The following ETV1 variants were observed in gnomAD, a reference collection of about 807,000 sequenced individuals.
ETV1 encodes ETS translocation variant 1.
ETV1 carries 27 observed loss-of-function variants against 62.3 expected under a neutral mutation model. The ratio of observed to expected loss-of-function variants is 0.43; its 90% CI spans 0.32 to 0.60. ETV1 has a LOEUF of 0.60. Ranked by LOEUF, ETV1 falls within the 20% of genes least tolerant of loss-of-function variation. The probability of loss-of-function intolerance (pLI) is 0.06; values close to 1 mark genes in which losing one functional copy is unlikely to be tolerated. For synonymous variants in ETV1, 222 were observed against 199.6 expected, an observed-to-expected ratio of 1.11 and a Z score of -0.94; for missense variants, 605 against 605.8, an observed-to-expected ratio of 1.00 and a Z score of 0.01.
At chr7:13,926,543 G>A (rs527588211) in intron 9 of ETV1, among the ~76,000 whole-genome samples, 18 of 152,196 alleles carry the variant, frequency 1.2e-4, no homozygotes, top group South Asian at 2.1e-4. Flanking sequence ...TCTCCATGAC[G>A]CACTCCAGAT....
chr7:13,975,562 CAAAA>C (rs765452116), intron 6 of ETV1, among the ~76,000 whole-genome samples: 1 of 41,154 alleles, frequency 2.4e-5, no homozygotes, highest in Non-Finnish European at 5.0e-5. Context: ...GACTCTGTCT[CAAAA>C]AAAAAAAAAA....
At chr7:13,952,822 A>G (rs576020380) in intron 6 of ETV1, among the ~76,000 whole-genome samples, 4 of 152,334 alleles carry the variant, frequency 2.6e-5, no homozygotes, top group African/African-American at 9.6e-5. Flanking sequence ...ATTGCAAAAT[A>G]AAGAGACCAA....
At chr7:13,987,445 G>A (rs909381462) in intron 4 of ETV1, among the ~76,000 whole-genome samples, 1 of 152,044 alleles carries the variant, frequency 6.6e-6, no homozygotes, top group African/African-American at 2.4e-5. Flanking sequence ...TCCTCATATG[G>A]CTAAAATAAT....
chr7:13,905,511 CT>C (rs1782865958), intron 12 of ETV1, among the ~76,000 whole-genome samples: 1 of 152,106 alleles, frequency 6.6e-6, no homozygotes, highest in South Asian at 2.1e-4. Context: ...TTAACTTCAC[CT>C]TTCCATCAGC....
rs1054474855 is a variant in ETV1 at position 13,900,546 on chromosome 7, C to G, written c.1212+192G>C. On this transcript the variant is annotated intron_variant, in intron 13 of 13. Transcript: ENST00000430479. ...GCCTATTATTCTGTATACAATATCA[C>G]TACACATTTGTCTACAATGTCTAGG... is the stretch of plus-strand genomic sequence containing the variant. 3.2e-5 allele frequency: 17 copies of G among 525,438 alleles called. No homozygotes were observed. In the African/African-American group the frequency reaches 3.3e-4, roughly 10 times the overall value. 32.5% of individuals were successfully genotyped at this position (525,438 alleles called of 1,614,324 possible). A position where few individuals can be genotyped will look rare whatever the true frequency, so the allele number is the denominator to read the frequency against.
At chr7:13,908,097 A>G (rs1490867424) in intron 11 of ETV1, among the ~76,000 whole-genome samples, 1 of 152,094 alleles carries the variant, frequency 6.6e-6, no homozygotes, top group Non-Finnish European at 1.5e-5. Flanking sequence ...TATAAATGTG[A>G]CTGATCACAC....
chr7:13,934,452 ATCT>A (rs1228082975), intron 8 of ETV1, among the ~76,000 whole-genome samples: 1 of 152,244 alleles, frequency 6.6e-6, no homozygotes, highest in Non-Finnish European at 1.5e-5. Flanking sequence ...CCAGTGGCAC[ATCT>A]TCTGCTTTCC....
In ETV1 at chr7:13,986,635, T is replaced by C. The variant is rs1252928242; in HGVS notation, c.181+3A>G. 1 of 1,612,538 alleles carries C rather than the reference T, an allele frequency of 6.2e-7. No individual in the cohort carries two copies. ...CCCCCTTTTAAAGCAAATTTTGCCT[T>C]ACCTTCTGCAAGCCATGTTTCCTGT... is the stretch of plus-strand genomic sequence containing the variant. On this transcript the variant is annotated splice_donor_region_variant and intron_variant, in intron 5 of 13. Transcript: ENST00000430479.
intron 9 of ETV1, among the ~76,000 whole-genome samples, chr7:13,918,739 G>C: frequency 6.6e-6 from 1 of 151,512 alleles, no homozygotes. Flanking sequence ...TGGGGGGACG[G>C]GGGAGGGATA....
At chr7:13,963,417 TAAG>T (rs1212426891) in intron 6 of ETV1, among the ~76,000 whole-genome samples, 4 of 151,402 alleles carry the variant, frequency 2.6e-5, no homozygotes, top group African/African-American at 7.3e-5. Context: ...AATATGAAAA[TAAG>T]AGCATATTTT....
chr7:13,945,376 A>T (rs752721580), intron 6 of ETV1, among the ~76,000 whole-genome samples: 5 of 152,028 alleles, frequency 3.3e-5, no homozygotes, highest in Non-Finnish European at 5.9e-5. Flanking sequence ...TAGTTTTGAG[A>T]TCCCCAACTC....
intron 6 of ETV1, among the ~76,000 whole-genome samples, chr7:13,947,067 C>T (rs548398453): frequency 2.0e-5 from 3 of 152,336 alleles, no homozygotes; most frequent in South Asian, 2.1e-4. Context: ...TGAGCCACCA[C>T]ACCTGGCTGA....
chr7:13,891,717 A>T lies in ETV1; in HGVS notation c.*4149T>A, dbSNP rs570676716. The T allele has an allele frequency of 4.3e-6, 1 of 232,080 alleles. No homozygotes were observed. The highest frequency in any genetic ancestry group is 8.5e-6 in the Non-Finnish European group (1 of 117,458). 14.4% of individuals were successfully genotyped at this position (232,080 alleles called of 1,614,324 possible). On this transcript the variant is annotated 3_prime_UTR_variant, in exon 14 of 14. Transcript: ENST00000430479. ...CATCTTTTTGAAACTTGATTTTTCCAATTCTTAGTAGAATTGCTTAATATG... is the reference window on the plus strand; with the variant it reads ...CATCTTTTTGAAACTTGATTTTTCCTATTCTTAGTAGAATTGCTTAATATG...
chr7:13,916,273 G>T (rs539716644), intron 9 of ETV1, among the ~76,000 whole-genome samples: 1 of 152,226 alleles, frequency 6.6e-6, no homozygotes, highest in South Asian at 2.1e-4. Flanking sequence ...TGAGTATGGG[G>T]GAGAAATATG....
At chr7:13,968,717 A>C (rs951077110) in intron 6 of ETV1, among the ~76,000 whole-genome samples, 1 of 151,964 alleles carries the variant, frequency 6.6e-6, no homozygotes, top group Non-Finnish European at 1.5e-5. Context: ...CACCAGATTT[A>C]GCTAGTATCC....
At chr7:13,898,600 C>T (rs572165366) in intron 13 of ETV1, among the ~76,000 whole-genome samples, 5 of 152,030 alleles carry the variant, frequency 3.3e-5, no homozygotes, top group Non-Finnish European at 7.4e-5. Context: ...ATTTTTTTAA[C>T]ATGTTCAGAT....
chr7:13,989,462 G>A lies in ETV1; in HGVS notation c.-282C>T. ...AACGAGACTTGCTTTGCACCTAACG[G>A]GACTAAAGAGACGGAGACACCTCTT... is the stretch of plus-strand genomic sequence containing the variant. On this transcript the variant is annotated splice_region_variant and 5_prime_UTR_variant, in exon 2 of 14. Transcript: ENST00000430479. The A allele has an allele frequency of 2.4e-6, 1 of 408,192 alleles. No homozygotes were observed. The highest frequency in any genetic ancestry group is 4.3e-6 in the Non-Finnish European group (1 of 232,350). The allele number at this position is 408,192 out of a possible 1,614,324, so 25.3% of individuals were successfully genotyped here.
At position 13,891,470 on chromosome 7, in the gene ETV1, T is replaced by C. The variant is rs778982699; in HGVS notation, c.*4396A>G. The stretch of plus-strand genomic sequence containing the variant: ...ATGAATCCATAAACAATAGCCACGG[T>C]ATATACACTTGTAACTGAAAATTCT... On this transcript the variant is annotated 3_prime_UTR_variant, in exon 14 of 14. Transcript: ENST00000430479. 30 of 231,728 alleles carry C rather than the reference T, an allele frequency of 1.3e-4. No individual in the cohort carries two copies. Among genetic ancestry groups the C allele is most frequent in the Non-Finnish European group, 2.5e-4 (29 of 117,274 alleles). 14.4% of individuals were successfully genotyped at this position (231,728 alleles called of 1,614,324 possible).
At chr7:13,950,323 C>T (rs1259144168) in intron 6 of ETV1, among the ~76,000 whole-genome samples, 1 of 152,108 alleles carries the variant, frequency 6.6e-6, no homozygotes, top group Non-Finnish European at 1.5e-5. Flanking sequence ...TCTCGAAACT[C>T]ATTTCACAGA....
Sources: allele counts gnomAD v4.1 joint callset (sites outside exome capture counted in the v4.1 genomes callset), GRCh38; gene constraint gnomAD v4.1.1; transcripts MANE v1.5; gene names NCBI Gene and HGNC (gene_info 2026-07-23, HGNC 2026-07-21).